The following NXNL2 variants were observed in gnomAD, a reference collection of about 807,000 sequenced individuals.
The protein encoded by NXNL2 is nucleoredoxin-like protein 2.
NXNL2 carries 7 observed loss-of-function variants against 11.1 expected under a neutral mutation model. The ratio of observed to expected loss-of-function variants is 0.63; its 90% CI spans 0.36 to 1.18. NXNL2 has a LOEUF of 1.18. Ranked by LOEUF, NXNL2 falls within the 50% of genes most tolerant of loss-of-function variation. The pLI is 0.02. For synonymous variants in NXNL2, 109 were observed against 101.8 expected, an observed-to-expected ratio of 1.07 and a Z score of -0.42; for missense variants, 233 against 217.7, an observed-to-expected ratio of 1.07 and a Z score of -0.44.
At chr9:88,550,169 A>G (rs10429520) in intron 1 of NXNL2, among the ~76,000 whole-genome samples, 3,474 of 152,278 alleles carry the variant, frequency 0.023, 121 homozygotes, top group African/African-American at 0.073. Context: ...TCACTATTGC[A>G]AGGACAATAC....
At chr9:88,571,563 T>C (rs1225105633) in intron 2 of NXNL2, among the ~76,000 whole-genome samples, 1 of 152,220 alleles carries the variant, frequency 6.6e-6, no homozygotes, top group Non-Finnish European at 1.5e-5. Flanking sequence ...CTACCACAAT[T>C]TGGCTCTGGT....
chr9:88,546,225 G>A (rs1829844220), downstream of NXNL2, among the ~76,000 whole-genome samples: 2 of 151,342 alleles, frequency 1.3e-5, no homozygotes, highest in African/African-American at 4.9e-5. Flanking sequence ...GGCCCTCCTG[G>A]TAAACGTGCT....
At chr9:88,537,805 G>C (rs1829660708) in intron 1 of NXNL2, among the ~76,000 whole-genome samples, 1 of 152,214 alleles carries the variant, frequency 6.6e-6, no homozygotes, top group African/African-American at 2.4e-5. Flanking sequence ...TTGGTGAGTA[G>C]TTGAAGCAAG....
intron 1 of NXNL2, among the ~76,000 whole-genome samples, chr9:88,561,875 C>T (rs899201375): frequency 8.5e-5 from 13 of 152,180 alleles, no homozygotes; most frequent in Admixed American, 7.2e-4. Context: ...GATGCAGACT[C>T]ATACAGCCAT....
Position 88,556,662 on chromosome 9 carries a change from T to C in NXNL2, c.303-14425T>C, listed in dbSNP as rs184977101. 1.4e-3 allele frequency among the ~76,000 whole-genome samples: 210 copies of C among 152,306 alleles called. 1 individual carries two copies. The highest frequency in any genetic ancestry group is 4.9e-3 in the African/African-American group (205 of 41,566). On this transcript the variant is annotated intron_variant, in intron 1 of 2. Transcript: ENST00000375855. ...TGGTTTTCAGGCTTCAGGCTGTCTATGGCTTGAAGATCAGGTTTCATTGGG... is the reference window on the plus strand; with the variant it reads ...TGGTTTTCAGGCTTCAGGCTGTCTACGGCTTGAAGATCAGGTTTCATTGGG...
intron 1 of NXNL2, among the ~76,000 whole-genome samples, chr9:88,542,158 A>G (rs1829774782): frequency 6.6e-6 from 1 of 151,836 alleles, no homozygotes. Flanking sequence ...GCATGAACCC[A>G]GGAGGCGGAG....
chr9:88,539,347 T>A (rs1417233849), intron 1 of NXNL2, among the ~76,000 whole-genome samples: 1 of 152,084 alleles, frequency 6.6e-6, no homozygotes, highest in Non-Finnish European at 1.5e-5. Flanking sequence ...TGCTCAGGAA[T>A]CTGTAGGTGA....
At chr9:88,579,307 CG>C (rs1046897456), downstream of NXNL2, among the ~76,000 whole-genome samples, 10 of 152,174 alleles carry the variant, frequency 6.6e-5, no homozygotes, top group African/African-American at 2.4e-4. Context: ...GCCTGAAGGA[CG>C]GGGGGCTTCC....
At chr9:88,566,944 T>A (rs1830178676) in intron 1 of NXNL2, among the ~76,000 whole-genome samples, 1 of 151,744 alleles carries the variant, frequency 6.6e-6, no homozygotes, top group Admixed American at 6.6e-5. Context: ...GCTCTATCAT[T>A]TCTAATCTAT....
At chr9:88,549,166 G>A (rs1829892730), downstream of NXNL2, among the ~76,000 whole-genome samples, 1 of 152,140 alleles carries the variant, frequency 6.6e-6, no homozygotes, top group Non-Finnish European at 1.5e-5. Flanking sequence ...GTTTCCTCTC[G>A]AGATATGCAG....
In NXNL2 at chr9:88,559,839, T is replaced by C. The variant is rs566230256; in HGVS notation, c.303-11248T>C. ...CCTTTCTGGCCATTTCCACTTCTCATACAGAGCAAAGCCACCAAGTGGCAG... is the reference window on the plus strand; with the variant it reads ...CCTTTCTGGCCATTTCCACTTCTCACACAGAGCAAAGCCACCAAGTGGCAG... On this transcript the variant is annotated intron_variant, in intron 1 of 2. Coordinates refer to the NXNL2 transcript ENST00000375855. Among the ~76,000 whole-genome samples the C allele has an allele frequency of 1.4e-4, 21 of 152,302 alleles. 1 individual carries two copies. In the South Asian group the frequency reaches 4.3e-3, roughly 32 times the overall value.
chr9:88,535,946 A>C (rs1829608382), intron 1 of NXNL2, among the ~76,000 whole-genome samples: 4 of 151,902 alleles, frequency 2.6e-5, no homozygotes, highest in African/African-American at 9.7e-5. Context: ...AGATTCGAAA[A>C]CCCAGGGCAT....
downstream of NXNL2, among the ~76,000 whole-genome samples, chr9:88,549,486 A>C (rs1202351561): frequency 6.6e-6 from 1 of 152,122 alleles, no homozygotes; most frequent in Non-Finnish European, 1.5e-5. Context: ...ATATGTACTC[A>C]CTGGATGAGT....
At chr9:88,561,039 C>T (rs1416793571) in intron 1 of NXNL2, among the ~76,000 whole-genome samples, 3 of 152,118 alleles carry the variant, frequency 2.0e-5, no homozygotes, top group Admixed American at 1.3e-4. Flanking sequence ...TACTGAGTGT[C>T]GACTTGATTG....
chr9:88,576,586 G>A (rs1378192254), downstream of NXNL2, among the ~76,000 whole-genome samples: 1 of 152,228 alleles, frequency 6.6e-6, no homozygotes, highest in Non-Finnish European at 1.5e-5. Context: ...CCTGAGGGGA[G>A]AAGGGGAAGA....
chr9:88,577,046 T>G (rs1371681187), downstream of NXNL2, among the ~76,000 whole-genome samples: 1 of 151,680 alleles, frequency 6.6e-6, no homozygotes, highest in Non-Finnish European at 1.5e-5. Context: ...TGAGGGAGGG[T>G]CCTTGCGAGG....
chr9:88,571,113 TG>T lies in NXNL2; in HGVS notation c.331del (p.Glu111SerfsTer5). The T allele has an allele frequency of 2.5e-6, 1 of 404,866 alleles. No homozygotes were observed. The highest frequency in any genetic ancestry group is 4.8e-6 in the Non-Finnish European group (1 of 208,614). The allele number at this position is 404,866 out of a possible 1,614,324, so 25.1% of individuals were successfully genotyped here. On this transcript the variant is annotated frameshift_variant, in exon 2 of 3. Transcript: ENST00000375855. LOFTEE classifies it high-confidence loss of function. The stretch of plus-strand genomic sequence containing the variant: ...CGGAGTCTCGCTCTGTTGCCCAGGC[TG>T]GAGTGCAGTGGCGTGATCTTAGCTC...
rs111645392 is a variant in NXNL2 at position 88,535,377 on chromosome 9, G to T, written c.-58G>T. 4 of 1,471,600 alleles carry T rather than the reference G, an allele frequency of 2.7e-6. No individual in the cohort carries two copies. Among genetic ancestry groups the T allele is most frequent in the South Asian group, 1.4e-5 (1 of 72,148 alleles). 91.2% of individuals were successfully genotyped at this position (1,471,600 alleles called of 1,614,324 possible). A position where few individuals can be genotyped will look rare whatever the true frequency, so the allele number is the denominator to read the frequency against. ...CCGCGGCGCTCGCCGCCGCCTCCCC[G>T]CAGGTGATCATCCTCCTGCAGGTGT... On this transcript the variant is annotated 5_prime_UTR_variant, in exon 1 of 2. Coordinates refer to ENST00000375854, the MANE Select transcript of NXNL2 (RefSeq NM_001161625.2).
In NXNL2 at chr9:88,572,262, G is replaced by C. The variant is rs535036947; in HGVS notation, c.*16+1054G>C. 1.5e-4 allele frequency among the ~76,000 whole-genome samples: 23 copies of C among 152,312 alleles called. No individual in the cohort carries two copies. The East Asian group carries it at 4.2e-3, about 28-fold the overall frequency. On this transcript the variant is annotated intron_variant, in intron 2 of 2. Transcript: ENST00000375855. ...GGGCTTTCTCTATGCCAGCCCTTGTGCCTGCCCTTGGGACAAACATGTTCT... is the reference window on the plus strand; with the variant it reads ...GGGCTTTCTCTATGCCAGCCCTTGTCCCTGCCCTTGGGACAAACATGTTCT...
Sources: gnomAD v4.1 joint callset for allele counts (sites outside exome capture counted in the v4.1 genomes callset) on GRCh38, gnomAD v4.1.1 for gene constraint, MANE v1.5 for transcripts, NCBI Gene and HGNC (gene_info 2026-07-23, HGNC 2026-07-21) for gene names.